Variants in PARVG observed in about 807,000 individuals in gnomAD.
PARVG encodes parvin gamma.
PARVG carries 36 observed loss-of-function variants against 44.4 expected under a neutral mutation model. The ratio of observed to expected loss-of-function variants is 0.81; its 90% CI spans 0.62 to 1.07. The LOEUF is 1.07. Ranked by LOEUF, PARVG falls within the 50% of genes least tolerant of loss-of-function variation. The pLI is 0.00. For missense variants in PARVG, 407 were observed against 407.4 expected, an observed-to-expected ratio of 1.00 and a Z score of 0.01; for synonymous variants, 170 against 174.1, an observed-to-expected ratio of 0.98 and a Z score of 0.19.
At chr22:44,187,400 C>T (rs994628395) in intron 4 of PARVG, 3 of 275,142 alleles carry the variant, frequency 1.1e-5, no homozygotes, top group Non-Finnish European at 2.1e-5. Context: ...TTCTACTGAC[C>T]ACCTCTTCAG....
chr22:44,192,184 C>T, intron 8 of PARVG, 80 bp downstream of exon 8: 1 of 1,507,232 alleles, frequency 6.6e-7, no homozygotes, highest in South Asian at 1.1e-5. Context: ...CAGGGCAGAT[C>T]TGCCTGACCT....
intron 12 of PARVG, among the ~76,000 whole-genome samples, chr22:44,201,203 G>A (rs2054703197): frequency 6.6e-6 from 1 of 152,218 alleles, no homozygotes; most frequent in East Asian, 1.9e-4. Context: ...CGCTCTGTGG[G>A]GCCCTGTACC....
At chr22:44,185,938 C>T (rs1016972011) in intron 4 of PARVG, 66 bp downstream of exon 4, 18 of 1,498,330 alleles carry the variant, frequency 1.2e-5, no homozygotes, top group African/African-American at 2.8e-5. Context: ...GCGGCCTCCA[C>T]GGGGCGGGGA....
intron 11 of PARVG, among the ~76,000 whole-genome samples, chr22:44,197,439 A>C (rs940501179): frequency 8.5e-5 from 13 of 152,210 alleles, no homozygotes; most frequent in African/African-American, 3.1e-4. Context: ...TCACACAGTG[A>C]TAAGTAGTGG....
rs1218556048 is a variant in PARVG, at chr22:44,208,056, T to A, written c.*1630T>A. ...GGACACAGGCTCAGCCTCTCTCAGC[T>A]GGCTTCATCCCAAAAGCCTGAAATC... On this transcript the variant is annotated 3_prime_UTR_variant, in exon 14 of 14. Transcript: ENST00000444313. 1 of 152,228 alleles carries A rather than the reference T, an allele frequency of 6.6e-6. No individual in the cohort carries two copies. Among genetic ancestry groups the A allele is most frequent in the Non-Finnish European group, 1.5e-5 (1 of 68,084 alleles). The allele number at this position is 152,228 out of a possible 1,614,324, so 9.4% of individuals were successfully genotyped here.
chr22:44,180,970 T>C lies in PARVG; in HGVS notation c.-404T>C. 1 of 985,412 alleles carries C rather than the reference T, an allele frequency of 1.0e-6. No homozygotes were observed. The highest frequency in any genetic ancestry group is 1.2e-6 in the Non-Finnish European group (1 of 829,924). 61.0% of individuals were successfully genotyped at this position (985,412 alleles called of 1,614,324 possible). On this transcript the variant is annotated 5_prime_UTR_variant, in exon 1 of 14. Coordinates refer to ENST00000444313, the MANE Select transcript of PARVG (RefSeq NM_022141.7). ...GTCTGAAGTGTTTCTCTATCTACTG[T>C]GCTGAGATCTCTCCTTCTCGAACCC...
chr22:44,196,561 T>A, intron 11 of PARVG, 146 bp downstream of exon 11: 1 of 964,026 alleles, frequency 1.0e-6, no homozygotes, highest in Non-Finnish European at 1.5e-6. Flanking sequence ...CCGGTGGGAC[T>A]GTTGCTGGCA....
In PARVG at chr22:44,189,117, G is replaced by A; in HGVS notation, c.251G>A (p.Arg84Lys). ...CACCACCCTCTCCTGCCTCCAGAGA[G>A]GCTGGCGGCGCTCAAGCTGGAAGCA... ...DGLILHHLFQ[R>K]LAALKLEAED... is the part of the protein sequence containing the mutation. The change falls in exon 6 of 14, where the codon AGG (arginine) becomes AAG (lysine). Residue 84 changes from arginine to lysine, a missense_variant. Arg to Lys is a conservative substitution (Grantham distance 26). Coordinates refer to ENST00000444313, the MANE Select transcript of PARVG (RefSeq NM_022141.7). The A allele has an allele frequency of 6.2e-7, 1 of 1,613,506 alleles. No individual in the cohort carries two copies. Among genetic ancestry groups the A allele is most frequent in the Non-Finnish European group, 8.5e-7 (1 of 1,179,970 alleles).
intron 11 of PARVG, among the ~76,000 whole-genome samples, chr22:44,197,594 C>T (rs546064434): frequency 2.0e-5 from 3 of 152,334 alleles, no homozygotes; most frequent in African/African-American, 7.2e-5. Context: ...GACAGACACA[C>T]ATTTCCCTCC....
At chr22:44,197,527 T>C (rs142623430) in intron 11 of PARVG, among the ~76,000 whole-genome samples, 2 of 152,210 alleles carry the variant, frequency 1.3e-5, no homozygotes, top group African/African-American at 4.8e-5. Context: ...CGTGAGAAGT[T>C]TGTGTGTGAT....
intron 9 of PARVG, among the ~76,000 whole-genome samples, chr22:44,194,560 C>T (rs932032801): frequency 6.6e-6 from 1 of 151,692 alleles, no homozygotes. Context: ...TCCACCCACC[C>T]ATCCATTTAT....
intron 9 of PARVG, among the ~76,000 whole-genome samples, chr22:44,194,846 T>TCCATCC (rs1569184112): frequency 5.9e-4 from 88 of 149,860 alleles, no homozygotes; most frequent in African/African-American, 2.1e-3. Flanking sequence ...TCCATCCATC[T>TCCATCC]ATCCATCCAT....
At position 44,206,598 on chromosome 22, in the gene PARVG, C is replaced by G. The variant is rs1601753055; in HGVS notation, c.*172C>G. On this transcript the variant is annotated 3_prime_UTR_variant, in exon 14 of 14. Coordinates refer to ENST00000444313, the MANE Select transcript of PARVG (RefSeq NM_022141.7). ...TATCTTTGAACCCCCTTGTGTGGATCATTTTGAGCCGCCTGGCCTTGCTCA... is the reference window on the plus strand; with the variant it reads ...TATCTTTGAACCCCCTTGTGTGGATGATTTTGAGCCGCCTGGCCTTGCTCA... 3.2e-6 allele frequency: 2 copies of G among 630,082 alleles called. No homozygotes were observed. The allele number at this position is 630,082 out of a possible 1,614,324, so 39.0% of individuals were successfully genotyped here. A position where few individuals can be genotyped will look rare whatever the true frequency, so the allele number is the denominator to read the frequency against.
chr22:44,206,224 A>T lies in PARVG; in HGVS notation c.887-93A>T, dbSNP rs140486306. 6 of 925,258 alleles carry T rather than the reference A, an allele frequency of 6.5e-6. No individual in the cohort carries two copies. The African/African-American group carries it at 9.9e-5, about 15-fold the overall frequency. The allele number at this position is 925,258 out of a possible 1,614,324, so 57.3% of individuals were successfully genotyped here. On this transcript the variant is annotated intron_variant, in intron 13 of 13. Coordinates refer to ENST00000444313, the MANE Select transcript of PARVG (RefSeq NM_022141.7). ...GGGATTCTCCTGGGATTAGCACTGA[A>T]ATCCTGAATGCCAGGAAACCTTGAC...
intron 12 of PARVG, among the ~76,000 whole-genome samples, chr22:44,200,950 G>A (rs1378191702): frequency 1.3e-5 from 2 of 151,840 alleles, no homozygotes; most frequent in Non-Finnish European, 2.9e-5. Context: ...CAACTGCCAA[G>A]CCCCATCTGC....
At chr22:44,183,139 G>A (rs1226919085) in intron 2 of PARVG, 179 bp from the exon 3 acceptor site, 1 of 551,440 alleles carries the variant, frequency 1.8e-6, no homozygotes, top group African/African-American at 2.0e-5. Flanking sequence ...CCCCGCAAGG[G>A]TTGGCTCAAG....
At chr22:44,198,989 T>TCCACCCACC (rs1300207001) in intron 12 of PARVG, among the ~76,000 whole-genome samples, 18 of 33,358 alleles carry the variant, frequency 5.4e-4, no homozygotes, top group African/African-American at 9.9e-4. Context: ...CATCCATCCA[T>TCCACCCACC]CATCTACCTA....
intron 12 of PARVG, among the ~76,000 whole-genome samples, chr22:44,199,468 A>G (rs533311628): frequency 4.6e-5 from 7 of 152,096 alleles, no homozygotes; most frequent in Non-Finnish European, 1.0e-4. Flanking sequence ...CTGTTCCCCC[A>G]TTCCCTGAGG....
chr22:44,185,174 A>C (rs2054446038), intron 3 of PARVG: 2 of 152,480 alleles, frequency 1.3e-5, no homozygotes, highest in African/African-American at 4.8e-5. Flanking sequence ...TACCTAGGAA[A>C]AGCCTTTATT....
Sources: allele counts gnomAD v4.1 joint callset (sites outside exome capture counted in the v4.1 genomes callset), GRCh38; gene constraint gnomAD v4.1.1; transcripts MANE v1.5; gene names NCBI Gene and HGNC (gene_info 2026-07-23, HGNC 2026-07-21).